SAMD14: variants seen among roughly 807,000 people sequenced by gnomAD.
SAMD14 encodes the protein sterile alpha motif domain-containing protein 14.
In SAMD14, 27 loss-of-function variants were observed where a neutral mutation model predicts 46.2. That is an observed-to-expected ratio of 0.58 (90% CI 0.43 to 0.81). The LOEUF is 0.81. SAMD14 is among the 30% of genes least tolerant of loss of function. The pLI is 0.00. For missense variants in SAMD14, 559 were observed against 582.2 expected, an observed-to-expected ratio of 0.96 and a Z score of 0.41; for synonymous variants, 241 against 254.3, an observed-to-expected ratio of 0.95 and a Z score of 0.50.
At chr17:50,124,187 C>A (rs1248582186) in intron 2 of SAMD14, 1 of 456,240 alleles carries the variant, frequency 2.2e-6, no homozygotes, top group Non-Finnish European at 4.4e-6. Context: ...ATGCTGGGAA[C>A]TCTGCCCAGC....
rs1164623626 is a variant in SAMD14, at chr17:50,110,703, G to A, written c.*2190C>T. The A allele has an allele frequency of 2.0e-5, 3 of 152,334 alleles. No homozygotes were observed. The highest frequency in any genetic ancestry group is 7.2e-5 in the African/African-American group (3 of 41,560). The allele number at this position is 152,334 out of a possible 1,614,324, so 9.4% of individuals were successfully genotyped here. On this transcript the variant is annotated 3_prime_UTR_variant, in exon 10 of 10. Coordinates refer to ENST00000330175, the MANE Select transcript of SAMD14 (RefSeq NM_001257359.2). Reference sequence around the variant, plus strand: ...CCCAACTCTAAAGTGGAAGAACCTTGTTAGACCGAGAGCTTGCCATCCAGC... The same window carrying A: ...CCCAACTCTAAAGTGGAAGAACCTTATTAGACCGAGAGCTTGCCATCCAGC...
At chr17:50,116,886 T>TTTTTG (rs1159181979) in intron 4 of SAMD14, among the ~76,000 whole-genome samples, 1 of 151,914 alleles carries the variant, frequency 6.6e-6, no homozygotes, top group Admixed American at 6.6e-5. Flanking sequence ...TTTGATTGGG[T>TTTTTG]TTTTGTTTTG....
At position 50,127,204 on chromosome 17, in the gene SAMD14, C is replaced by T. The variant is rs73332660; in HGVS notation, c.-12-2233G>A. 1.6e-3 allele frequency among the ~76,000 whole-genome samples: 240 copies of T among 152,300 alleles called. 1 individual carries two copies. The highest frequency in any genetic ancestry group is 5.6e-3 in the African/African-American group (232 of 41,574). ...CAGCCTTGAGCCAGGGCTCCTGCCC[C>T]TCTGCGCTATCCTAGGTGATGATCT... On this transcript the variant is annotated intron_variant, in intron 1 of 9. Transcript: ENST00000330175.
intron 1 of SAMD14, among the ~76,000 whole-genome samples, chr17:50,127,773 C>G (rs1268741067): frequency 6.6e-6 from 1 of 152,114 alleles, no homozygotes; most frequent in Non-Finnish European, 1.5e-5. Flanking sequence ...TTCTTCCTGT[C>G]CTGACAGGCC....
intron 1 of SAMD14, among the ~76,000 whole-genome samples, chr17:50,126,048 G>A (rs1368429293): frequency 6.6e-6 from 1 of 152,086 alleles, no homozygotes; most frequent in Non-Finnish European, 1.5e-5. Context: ...CACTGGCCAG[G>A]GGATACTGGC....
chr17:50,113,856 G>A, intron 9 of SAMD14, 68 bp downstream of exon 9: 4 of 1,585,442 alleles, frequency 2.5e-6, no homozygotes, highest in Middle Eastern at 1.7e-4. Flanking sequence ...TCAGGATGAG[G>A]GACTTCAAAT....
At position 50,129,316 on chromosome 17, in the gene SAMD14, G is replaced by C. The variant is rs1598239044; in HGVS notation, c.-13+201C>G. On this transcript the variant is annotated intron_variant, in intron 1 of 9. Transcript: ENST00000330175. This position sits in a 1 kb window ranked among gnomAD's most constrained non-coding sequence, Gnocchi z 5.6. ...TAATTTCTCCGGGCGTCGGGCGGGA[G>C]GGAGGGGATTAGGGCCATAAATCCT... 1.3e-5 allele frequency among the ~76,000 whole-genome samples: 2 copies of C among 152,058 alleles called. No individual in the cohort carries two copies. Among genetic ancestry groups the C allele is most frequent in the South Asian group, 2.1e-4 (1 of 4,826 alleles).
At position 50,115,453 on chromosome 17, in the gene SAMD14, G is replaced by C; in HGVS notation, c.822+111C>G. 2 of 1,199,092 alleles carry C rather than the reference G, an allele frequency of 1.7e-6. No individual in the cohort carries two copies. Among genetic ancestry groups the C allele is most frequent in the South Asian group, 3.2e-5 (2 of 62,446 alleles). The allele number at this position is 1,199,092 out of a possible 1,614,324, so 74.3% of individuals were successfully genotyped here. On this transcript the variant is annotated intron_variant, in intron 7 of 9. Transcript: ENST00000330175. The surrounding 1 kb of genome is among the most constrained non-coding windows in gnomAD (Gnocchi z 5.3). Reference sequence around the variant, plus strand: ...GGATCACTGCATGGCTCCATGGATGGACAAATTGATTCCAGGAATGTCTGA... The same window carrying C: ...GGATCACTGCATGGCTCCATGGATGCACAAATTGATTCCAGGAATGTCTGA...
In SAMD14 at chr17:50,112,890, C is replaced by G; in HGVS notation, c.*3G>C. 1 of 1,603,362 alleles carries G rather than the reference C, an allele frequency of 6.2e-7. No homozygotes were observed. The highest frequency in any genetic ancestry group is 8.5e-7 in the Non-Finnish European group (1 of 1,179,458). On this transcript the variant is annotated 3_prime_UTR_variant, in exon 10 of 10. Coordinates refer to ENST00000330175, the MANE Select transcript of SAMD14 (RefSeq NM_001257359.2). ...CCGGGTGCCAGCGCCTGTGCACCCT[C>G]CCCTAGCTCTTCTTGGCCTCCTGCT...
chr17:50,124,770 C>CGG, intron 2 of SAMD14, 147 bp downstream of exon 2: 1 of 735,578 alleles, frequency 1.4e-6, no homozygotes, highest in South Asian at 1.5e-5. Context: ...CACGCGCGCG[C>CGG]GCACACACAC....
chr17:50,117,428 G>A lies in SAMD14; in HGVS notation c.478C>T (p.Arg160Cys), dbSNP rs767427183. 2 of 1,340,540 alleles carry A rather than the reference G, an allele frequency of 1.5e-6. No homozygotes were observed. Among genetic ancestry groups the A allele is most frequent in the South Asian group, 1.9e-5 (1 of 51,564 alleles). 83.0% of individuals were successfully genotyped at this position (1,340,540 alleles called of 1,614,324 possible). ...SSPSFVRRHP[R>C]AEPHSEDDSR... is the part of the protein sequence containing the mutation. ...TCACCTTCGCTGTGCGGCTCTGCGC[G>A]CGGGTGGCGGCGCACGAAGCTGGGG... Residue 160 changes from arginine (R) to cysteine (C), a missense_variant, in exon 4 of 10, where the codon CGC becomes TGC. Physicochemically the swap from Arg to Cys is radical, Grantham distance 180. Coordinates refer to ENST00000330175, the MANE Select transcript of SAMD14 (RefSeq NM_001257359.2).
intron 1 of SAMD14, among the ~76,000 whole-genome samples, chr17:50,127,623 A>G (rs1055616502): frequency 2.0e-5 from 3 of 152,016 alleles, no homozygotes; most frequent in Admixed American, 2.0e-4. Context: ...CAAAAAACAA[A>G]ACCACCTCCA....
chr17:50,125,327 TA>T (rs1911717063), intron 1 of SAMD14: 1 of 228,194 alleles, frequency 4.4e-6, no homozygotes, highest in African/African-American at 2.3e-5. Flanking sequence ...TAGCATCCCC[TA>T]AAAGCTTTCA....
Position 50,115,788 on chromosome 17 carries a change from AG to A in SAMD14, c.662+41del. The A allele has an allele frequency of 6.2e-7, 1 of 1,612,874 alleles. No homozygotes were observed. ...GGAGGACCAGAGCACATGGGGAGCC[AG>A]GGGCGGGAGCTGTGGGTGGGCCGCC... On this transcript the variant is annotated intron_variant, in intron 6 of 9. Coordinates refer to ENST00000330175, the MANE Select transcript of SAMD14 (RefSeq NM_001257359.2). The surrounding 1 kb of genome is among the most constrained non-coding windows in gnomAD (Gnocchi z 5.3).
chr17:50,126,079 C>A (rs1235016018), intron 1 of SAMD14, among the ~76,000 whole-genome samples: 1 of 152,004 alleles, frequency 6.6e-6, no homozygotes, highest in Admixed American at 6.6e-5. Flanking sequence ...GTGAGGAAGC[C>A]CAGGGGCCAT....
chr17:50,118,120 G>C, intron 3 of SAMD14, 41 bp downstream of exon 3: 1 of 1,531,276 alleles, frequency 6.5e-7, no homozygotes, highest in Non-Finnish European at 8.8e-7. Context: ...GGAGAGGGAG[G>C]GGTGGGAGGG....
At chr17:50,126,042 G>A (rs1911753605) in intron 1 of SAMD14, among the ~76,000 whole-genome samples, 1 of 152,164 alleles carries the variant, frequency 6.6e-6, no homozygotes, top group Admixed American at 6.5e-5. Context: ...GGAGCCCACT[G>A]GCCAGGGGAT....
chr17:50,112,814 G>A lies in SAMD14; in HGVS notation c.*79C>T. On this transcript the variant is annotated 3_prime_UTR_variant, in exon 10 of 10. Transcript: ENST00000330175. ...AGGCTAGCCCAAGTGCAGCGCCCAG[G>A]TCCAGCCTCCCTGGTGAGGCCTGTG... 2 of 1,509,692 alleles carry A rather than the reference G, an allele frequency of 1.3e-6. No homozygotes were observed. The highest frequency in any genetic ancestry group is 3.9e-5 in the Admixed American group (2 of 51,212). The allele number at this position is 1,509,692 out of a possible 1,614,324, so 93.5% of individuals were successfully genotyped here.
At chr17:50,127,414 C>G (rs1911828773) in intron 1 of SAMD14, among the ~76,000 whole-genome samples, 1 of 151,972 alleles carries the variant, frequency 6.6e-6, no homozygotes, top group Non-Finnish European at 1.5e-5. Context: ...ACCAGCCTGA[C>G]CAACATGGAA....
Sources: gnomAD v4.1 joint callset for allele counts (sites outside exome capture counted in the v4.1 genomes callset) on GRCh38, gnomAD v4.1.1 for gene constraint, Gnocchi (gnomAD v3.1) non-coding constraint, MANE v1.5 for transcripts, NCBI Gene and HGNC (gene_info 2026-07-23, HGNC 2026-07-21) for gene names.